The following MAP2K1 variants were observed in gnomAD, a reference collection of about 807,000 sequenced individuals.
The protein encoded by MAP2K1 is mitogen-activated protein kinase kinase 1.
Under a neutral mutation model 46.3 loss-of-function variants are expected in MAP2K1, and 16 were observed. The ratio of observed to expected loss-of-function variants is 0.35; its 90% CI spans 0.23 to 0.52. MAP2K1 has a LOEUF of 0.52. Among genes scored for constraint, MAP2K1 ranks in the 20% least tolerant of loss-of-function variants. The pLI, the probability that MAP2K1 is intolerant of heterozygous loss-of-function variation, is 0.94. For missense variants in MAP2K1, 263 were observed against 497.1 expected (o/e 0.53, Z 4.48); for synonymous variants, 183 against 185.6 (o/e 0.99, Z 0.11).
intron 5 of MAP2K1, among the ~76,000 whole-genome samples, chr15:66,476,059 G>A (rs183685679): frequency 6.6e-6 from 1 of 152,328 alleles, no homozygotes; most frequent in African/African-American, 2.4e-5. Context: ...TACTTTCTGA[G>A]TTTTTCATAA....
intron 1 of MAP2K1, among the ~76,000 whole-genome samples, chr15:66,399,095 A>G (rs1165943026): frequency 6.6e-6 from 1 of 152,202 alleles, no homozygotes; most frequent in Non-Finnish European, 1.5e-5. Flanking sequence ...TTTTAATGTA[A>G]TGATGGTACA....
chr15:66,489,666 A>C, intron 9 of MAP2K1, 52 bp from the exon 10 acceptor site: 1 of 1,376,006 alleles, frequency 7.3e-7, no homozygotes, highest in South Asian at 1.2e-5. Flanking sequence ...ATGTTATTTG[A>C]GCTAGAACCA....
At chr15:66,445,346 T>G (rs1425114910) in intron 5 of MAP2K1, among the ~76,000 whole-genome samples, 1 of 152,118 alleles carries the variant, frequency 6.6e-6, no homozygotes, top group Non-Finnish European at 1.5e-5. Flanking sequence ...GAGCCGAGAT[T>G]GCACTGCTGC....
chr15:66,419,929 C>G (rs116274608), intron 1 of MAP2K1, among the ~76,000 whole-genome samples: 2 of 151,840 alleles, frequency 1.3e-5, no homozygotes, highest in African/African-American at 4.8e-5. Context: ...TTGGAAACTA[C>G]CTGATTTACA....
chr15:66,471,181 A>G (rs1319172994), intron 5 of MAP2K1, among the ~76,000 whole-genome samples: 1 of 152,170 alleles, frequency 6.6e-6, no homozygotes, highest in East Asian at 1.9e-4. Flanking sequence ...TGGGGCCCCA[A>G]GATTTATTTT....
chr15:66,416,621 TCA>T (rs1595848859), intron 1 of MAP2K1, among the ~76,000 whole-genome samples: 1 of 152,206 alleles, frequency 6.6e-6, no homozygotes, highest in East Asian at 1.9e-4. Context: ...GCTGTGGGAC[TCA>T]CATTTCCCTT....
chr15:66,414,781 C>CT (rs79790588), intron 1 of MAP2K1, among the ~76,000 whole-genome samples: 10,672 of 141,494 alleles, frequency 0.075, 1,207 homozygotes, highest in African/African-American at 0.25. Context: ...CATCCTGTGT[C>CT]TTTTTTTTTT....
chr15:66,393,143 C>G (rs557754506), intron 1 of MAP2K1, among the ~76,000 whole-genome samples: 5 of 151,888 alleles, frequency 3.3e-5, no homozygotes, highest in African/African-American at 1.2e-4. Flanking sequence ...TACATTGTCT[C>G]TCCTTCCAGG....
intron 8 of MAP2K1, among the ~76,000 whole-genome samples, chr15:66,487,597 CAAAACAAA>C (rs147327592): frequency 0.016 from 2,422 of 152,002 alleles, 69 homozygotes; most frequent in African/African-American, 0.056. Context: ...AAAAACAAAA[CAAAACAAA>C]AAAACAAAAA....
At chr15:66,448,896 A>G (rs928937459) in intron 5 of MAP2K1, among the ~76,000 whole-genome samples, 7 of 147,050 alleles carry the variant, frequency 4.8e-5, no homozygotes, top group African/African-American at 1.8e-4. Flanking sequence ...CCCAGCTACT[A>G]GGGAGGCTGA....
intron 1 of MAP2K1, among the ~76,000 whole-genome samples, chr15:66,410,929 C>T (rs188671929): frequency 2.0e-5 from 3 of 152,276 alleles, no homozygotes; most frequent in Non-Finnish European, 2.9e-5. Flanking sequence ...TCCCATCTCC[C>T]GCCCAGGCCT....
At chr15:66,414,201 T>TTTGCTAGAGCAATTCA (rs1247496617) in intron 1 of MAP2K1, among the ~76,000 whole-genome samples, 1 of 149,090 alleles carries the variant, frequency 6.7e-6, no homozygotes. Flanking sequence ...CTACCCAGAG[T>TTTGCTAGAGCAATTCA]CAGGCAGACC....
chr15:66,390,560 G>A (rs1189717316), intron 1 of MAP2K1, among the ~76,000 whole-genome samples: 1 of 152,184 alleles, frequency 6.6e-6, no homozygotes, highest in African/African-American at 2.4e-5. Flanking sequence ...ACCTGAAGTT[G>A]ATGCAAGTTG....
intron 1 of MAP2K1, among the ~76,000 whole-genome samples, chr15:66,401,220 ATTTT>A (rs1361339816): frequency 6.6e-6 from 1 of 152,132 alleles, no homozygotes; most frequent in Admixed American, 6.5e-5. Context: ...GAGTCCATTT[ATTTT>A]GTTTTGCTTC....
At chr15:66,483,938 C>T (rs1416655357) in intron 6 of MAP2K1, among the ~76,000 whole-genome samples, 3 of 151,666 alleles carry the variant, frequency 2.0e-5, no homozygotes, top group Non-Finnish European at 2.9e-5. Context: ...TTAGTAGAGA[C>T]GGGGTTTCAC....
chr15:66,412,981 C>G (rs1232347995), intron 1 of MAP2K1, among the ~76,000 whole-genome samples: 2 of 152,028 alleles, frequency 1.3e-5, no homozygotes, highest in Non-Finnish European at 2.9e-5. Flanking sequence ...CTGCAACCTC[C>G]ACCTCCCAGG....
At chr15:66,488,248 A>C (rs932213938) in intron 8 of MAP2K1, among the ~76,000 whole-genome samples, 6 of 152,156 alleles carry the variant, frequency 3.9e-5, no homozygotes, top group African/African-American at 1.4e-4. Flanking sequence ...TGATTCCCTC[A>C]GCAGTGGGGA....
intron 5 of MAP2K1, among the ~76,000 whole-genome samples, chr15:66,464,514 A>G (rs1339089975): frequency 1.3e-5 from 2 of 152,168 alleles, no homozygotes; most frequent in African/African-American, 4.8e-5. Context: ...AAAGAAATTG[A>G]AAACATTGTT....
chr15:66,484,947 C>CCTAA, intron 6 of MAP2K1, 43 bp from the exon 7 acceptor site: 1 of 1,541,110 alleles, frequency 6.5e-7, no homozygotes, highest in Non-Finnish European at 9.0e-7. Flanking sequence ...ACCCAGGGGT[C>CCTAA]CAAGTTAGGT....
Sources: gnomAD v4.1 joint callset for allele counts (sites outside exome capture counted in the v4.1 genomes callset) on GRCh38, gnomAD v4.1.1 for gene constraint, MANE v1.5 for transcripts, NCBI Gene and HGNC (gene_info 2026-07-23, HGNC 2026-07-21) for gene names.